Variants in DNAI1 observed in about 807,000 individuals in gnomAD.
The protein encoded by DNAI1 is dynein, axonemal, intermediate polypeptide 1.
In DNAI1, 67 loss-of-function variants were observed where a neutral mutation model predicts 92.0. The observed-to-expected ratio is 0.73, with a 90% CI of 0.60 to 0.89. The LOEUF (loss-of-function observed/expected upper bound fraction) is 0.89. DNAI1 is among the 40% of genes least tolerant of loss of function. The probability of loss-of-function intolerance (pLI) is 0.00; values close to 1 mark genes in which losing one functional copy is unlikely to be tolerated. For synonymous variants in DNAI1, 323 were observed against 319.6 expected (o/e 1.01, Z -0.11); for missense variants, 839 against 866.6 (o/e 0.97, Z 0.40).
chr9:34,472,311 T>A (rs1824152266), intron 1 of DNAI1, among the ~76,000 whole-genome samples: 1 of 152,230 alleles, frequency 6.6e-6, no homozygotes, highest in Non-Finnish European at 1.5e-5. Context: ...AACGCCTTGC[T>A]CAACGTCTTA....
rs1335386227 is a variant in DNAI1 at position 34,514,500 on chromosome 9, G to A, written c.1676G>A (p.Cys559Tyr). Residue 559 changes from cysteine to tyrosine, a missense_variant, in exon 17 of 20, where the codon TGC becomes TAC. Physicochemically the swap from Cys to Tyr is radical, Grantham distance 194 (BLOSUM62 -2). Transcript: ENST00000242317. ...NPYHTKVFMSCSSDWTVKIWD... is the reference protein window; with the variant it reads ...NPYHTKVFMSYSSDWTVKIWD... ...TACCACACCAAGGTCTTCATGTCCT[G>A]CAGCTCCGACTGGACAGTGAAGATC... 1.2e-6 allele frequency: 2 copies of A among 1,614,204 alleles called. No homozygotes were observed. Among genetic ancestry groups the A allele is most frequent in the Non-Finnish European group, 1.7e-6 (2 of 1,180,032 alleles).
At position 34,506,786 on chromosome 9, in the gene DNAI1, TGGC is replaced by T; in HGVS notation, c.1224_1226del (p.Ala409del). On this transcript the variant is annotated inframe_deletion, in exon 13 of 20. Transcript: ENST00000242317. ...GCAGTAGGCCACTATGACGGCAACGTGGCCATTTACAACCTCAAGAAGCCCCAC... is the reference window on the plus strand; with the variant it reads ...GCAGTAGGCCACTATGACGGCAACGTCATTTACAACCTCAAGAAGCCCCAC... The T allele has an allele frequency of 6.2e-7, 1 of 1,614,122 alleles. No homozygotes were observed. Among genetic ancestry groups the T allele is most frequent in the Non-Finnish European group, 8.5e-7 (1 of 1,180,022 alleles).
intron 1 of DNAI1, among the ~76,000 whole-genome samples, chr9:34,472,631 G>A (rs1183204052): frequency 6.6e-6 from 1 of 152,334 alleles, no homozygotes; most frequent in South Asian, 2.1e-4. Context: ...GCTGGGTGCA[G>A]TGGTTCACGT....
chr9:34,492,491 A>AAG lies in DNAI1; in HGVS notation c.682-701_682-700dup, dbSNP rs1554688172. ...TGTCCGGGGTGGGGGTGGGGATATG[A>AAG]AGATATATATATATATATATATATA... On this transcript the variant is annotated intron_variant, in intron 8 of 19. Transcript: ENST00000242317. Among the ~76,000 whole-genome samples the AAG allele has an allele frequency of 3.8e-3, 106 of 27,742 alleles. 7 individuals carry two copies. Among genetic ancestry groups the AAG allele is most frequent in the East Asian group, 0.02 (20 of 1,024 alleles). The allele number at this position is 27,742 out of a possible 152,430, so 18.2% of individuals were successfully genotyped here.
intron 13 of DNAI1, among the ~76,000 whole-genome samples, chr9:34,507,401 A>G (rs1301065981): frequency 6.6e-6 from 1 of 152,268 alleles, no homozygotes; most frequent in Non-Finnish European, 1.5e-5. Flanking sequence ...TTAGGCAAGT[A>G]GAGAAAAGAA....
chr9:34,518,102 C>T (rs1026902753), intron 19 of DNAI1, among the ~76,000 whole-genome samples: 1 of 152,342 alleles, frequency 6.6e-6, no homozygotes, highest in African/African-American at 2.4e-5. Flanking sequence ...TGAACCCAGG[C>T]TTTGCAGCCC....
chr9:34,505,545 G>C (rs562407492), intron 12 of DNAI1, among the ~76,000 whole-genome samples: 46 of 152,152 alleles, frequency 3.0e-4, no homozygotes, highest in Non-Finnish European at 1.5e-5. Flanking sequence ...TCTTTGCAGG[G>C]GGGCCTTATT....
chr9:34,466,559 T>G (rs1325230611), intron 1 of DNAI1, among the ~76,000 whole-genome samples: 1 of 152,216 alleles, frequency 6.6e-6, no homozygotes, highest in Non-Finnish European at 1.5e-5. Flanking sequence ...TTACTTTAGT[T>G]AAGCTCTTTA....
chr9:34,491,095 C>T (rs569943034), intron 7 of DNAI1, among the ~76,000 whole-genome samples: 1 of 152,322 alleles, frequency 6.6e-6, no homozygotes, highest in African/African-American at 2.4e-5. Flanking sequence ...GGGGCCCATT[C>T]CCCTGGTGGA....
chr9:34,477,895 C>A (rs1824266858), intron 1 of DNAI1, among the ~76,000 whole-genome samples: 1 of 146,604 alleles, frequency 6.8e-6, no homozygotes, highest in Admixed American at 6.8e-5. Flanking sequence ...CTGGGGAGAC[C>A]AAGACCCTGT....
At chr9:34,514,824 C>A in intron 18 of DNAI1, 85 bp downstream of exon 18, 2 of 1,424,046 alleles carry the variant, frequency 1.4e-6, no homozygotes, top group Non-Finnish European at 2.0e-6. Flanking sequence ...AGAACCCATC[C>A]CATGCCTAGG....
intron 13 of DNAI1, among the ~76,000 whole-genome samples, 184 bp from the exon 14 acceptor site, chr9:34,511,925 A>C (rs1159184489): frequency 6.6e-6 from 1 of 152,092 alleles, no homozygotes; most frequent in African/African-American, 2.4e-5. Context: ...AATCCCCAAG[A>C]AAGGAATGAG....
chr9:34,520,655 C>T lies in DNAI1; in HGVS notation c.2002-3C>T, dbSNP rs1825263081. Reference sequence around the variant, plus strand: ...CCCTCATGTATACTTTCCCTCTCCCCAGGAAAAGAAGGGGCAGGAGGTGCA... The same window carrying T: ...CCCTCATGTATACTTTCCCTCTCCCTAGGAAAAGAAGGGGCAGGAGGTGCA... On this transcript the variant is annotated splice_region_variant and splice_polypyrimidine_tract_variant and intron_variant, in intron 19 of 19. Transcript: ENST00000242317. The T allele has an allele frequency of 6.4e-7, 1 of 1,551,376 alleles. No individual in the cohort carries two copies. The highest frequency in any genetic ancestry group is 1.4e-5 in the African/African-American group (1 of 72,980).
intron 1 of DNAI1, 63 bp from the exon 2 acceptor site, chr9:34,483,385 G>C (rs1472885199): frequency 1.3e-6 from 2 of 1,532,002 alleles, no homozygotes; most frequent in Non-Finnish European, 1.8e-6. Flanking sequence ...CTGAAATACT[G>C]TTTATGATAT....
intron 8 of DNAI1, 86 bp downstream of exon 8, chr9:34,491,640 A>G: frequency 6.9e-7 from 1 of 1,459,234 alleles, no homozygotes; most frequent in Admixed American, 1.8e-5. Flanking sequence ...ACACTGGGTC[A>G]AGGGCTCCTC....
In DNAI1 at chr9:34,485,219, C is replaced by G. The variant is rs1245267437; in HGVS notation, c.159C>G (p.Asp53Glu). 1 of 1,614,078 alleles carries G rather than the reference C, an allele frequency of 6.2e-7. No individual in the cohort carries two copies. The highest frequency in any genetic ancestry group is 1.3e-5 in the African/African-American group (1 of 74,920). ...CCAAAGCCACAGTTAGACCCCCTGA[C>G]CAGCTGGAGTTGACCGATGCGGTGA... ...AQSKATVRPP[D>E]QLELTDAELK... The change falls in exon 3 of 20, where the codon GAC becomes GAG. Residue 53 changes from aspartate to glutamate, a missense_variant. Transcript: ENST00000242317.
intron 18 of DNAI1, among the ~76,000 whole-genome samples, chr9:34,515,046 G>A (rs925931704): frequency 4.6e-5 from 7 of 152,118 alleles, no homozygotes; most frequent in African/African-American, 7.2e-5. Flanking sequence ...GGCAGGGCCC[G>A]GCTCCATCTA....
chr9:34,520,935 A>G lies in DNAI1; in HGVS notation c.*179A>G. 1 of 676,078 alleles carries G rather than the reference A, an allele frequency of 1.5e-6. No homozygotes were observed. Among genetic ancestry groups the G allele is most frequent in the Non-Finnish European group, 2.7e-6 (1 of 376,072 alleles). The allele number at this position is 676,078 out of a possible 1,614,324, so 41.9% of individuals were successfully genotyped here. ...ACCTTACCCCAGGACTTGGTCTTCA[A>G]CCACCATTACCCCTCTAACTTTGCA... On this transcript the variant is annotated 3_prime_UTR_variant, in exon 20 of 20. Coordinates refer to ENST00000242317, the MANE Select transcript of DNAI1 (RefSeq NM_012144.4).
chr9:34,472,050 A>G (rs1011064020), intron 1 of DNAI1, among the ~76,000 whole-genome samples: 8 of 152,212 alleles, frequency 5.3e-5, no homozygotes, highest in African/African-American at 1.4e-4. Context: ...TGGAAAACAT[A>G]CTATTCAATT....
Sources: allele counts gnomAD v4.1 joint callset (sites outside exome capture counted in the v4.1 genomes callset), GRCh38; gene constraint gnomAD v4.1.1; transcripts MANE v1.5; gene names NCBI Gene and HGNC (gene_info 2026-07-23, HGNC 2026-07-21).